Variants in CNTNAP2 observed in about 807,000 individuals in gnomAD.
CNTNAP2 encodes contactin-associated protein-like 2.
In CNTNAP2, 98 loss-of-function variants were observed where a neutral mutation model predicts 155.2. The ratio of observed to expected loss-of-function variants is 0.63; its 90% CI spans 0.54 to 0.75. The LOEUF (loss-of-function observed/expected upper bound fraction) is 0.75, where lower values mean the gene tolerates loss of function less well. CNTNAP2 is among the 30% of genes least tolerant of loss of function. CNTNAP2 has a pLI of 0.00. For missense variants in CNTNAP2, 1,727 were observed against 1,688.1 expected (o/e 1.02, Z -0.40); for synonymous variants, 651 against 631.2 (o/e 1.03, Z -0.47).
At chr7:147,389,051 T>G (rs1356378337) in intron 9 of CNTNAP2, among the ~76,000 whole-genome samples, 1 of 152,296 alleles carries the variant, frequency 6.6e-6, no homozygotes. Context: ...CTAGACTCTC[T>G]TCCCCTGGAC....
intron 15 of CNTNAP2, among the ~76,000 whole-genome samples, chr7:148,019,242 T>C (rs1190273220): frequency 6.6e-6 from 1 of 152,186 alleles, no homozygotes; most frequent in Non-Finnish European, 1.5e-5. Flanking sequence ...CTTCATCTTC[T>C]AGGTTCCTCA....
chr7:147,593,304 T>C (rs1443253883), intron 12 of CNTNAP2, among the ~76,000 whole-genome samples: 1 of 149,580 alleles, frequency 6.7e-6, no homozygotes, highest in Non-Finnish European at 1.5e-5. Context: ...GATCATCTAG[T>C]ATGTATAGCA....
intron 7 of CNTNAP2, among the ~76,000 whole-genome samples, chr7:147,131,416 A>G (rs1801357028): frequency 1.3e-5 from 2 of 152,050 alleles, no homozygotes; most frequent in South Asian, 4.1e-4. Context: ...AAGAGAATGT[A>G]GTTAGGCACT....
intron 8 of CNTNAP2, among the ~76,000 whole-genome samples, chr7:147,186,294 G>A (rs1050704407): frequency 6.6e-6 from 1 of 152,068 alleles, no homozygotes; most frequent in African/African-American, 2.4e-5. Flanking sequence ...TAATATATGG[G>A]TTCTTCTGTA....
chr7:147,212,809 T>C (rs1239508651), intron 8 of CNTNAP2, among the ~76,000 whole-genome samples: 1 of 152,208 alleles, frequency 6.6e-6, no homozygotes, highest in Non-Finnish European at 1.5e-5. Context: ...AAATGGATTG[T>C]GTGTAGTTTA....
chr7:146,466,678 G>A (rs1194859412), intron 1 of CNTNAP2, among the ~76,000 whole-genome samples: 3 of 152,118 alleles, frequency 2.0e-5, no homozygotes, highest in East Asian at 1.9e-4. Context: ...AAGAATAATA[G>A]TTTTAAGCGT....
At chr7:146,581,212 A>C (rs1466773478) in intron 1 of CNTNAP2, among the ~76,000 whole-genome samples, 1 of 152,102 alleles carries the variant, frequency 6.6e-6, no homozygotes, top group Non-Finnish European at 1.5e-5. Flanking sequence ...TAAGGCCTCC[A>C]TTGCCTAAGT....
chr7:147,532,846 A>G (rs1799467262), intron 11 of CNTNAP2, among the ~76,000 whole-genome samples: 1 of 152,190 alleles, frequency 6.6e-6, no homozygotes, highest in African/African-American at 2.4e-5. Context: ...GGGAAAGACC[A>G]GCCCCCATGA....
At chr7:147,707,211 A>G (rs1796329053) in intron 13 of CNTNAP2, among the ~76,000 whole-genome samples, 2 of 152,146 alleles carry the variant, frequency 1.3e-5, no homozygotes, top group Non-Finnish European at 2.9e-5. Flanking sequence ...TTGTCCTTAC[A>G]TTGACATCTA....
chr7:147,190,676 C>A (rs979631328), intron 8 of CNTNAP2, among the ~76,000 whole-genome samples: 1 of 152,158 alleles, frequency 6.6e-6, no homozygotes, highest in Non-Finnish European at 1.5e-5. Context: ...TAATTATAAT[C>A]ATTTTGCATA....
intron 1 of CNTNAP2, among the ~76,000 whole-genome samples, chr7:146,136,356 G>C (rs898376033): frequency 1.3e-5 from 2 of 152,080 alleles, no homozygotes; most frequent in African/African-American, 2.4e-5. Context: ...GACAACTAAG[G>C]GTCAGTCTTT....
intron 3 of CNTNAP2, among the ~76,000 whole-genome samples, chr7:146,990,680 G>A: frequency 6.6e-6 from 1 of 152,090 alleles, no homozygotes; most frequent in East Asian, 1.9e-4. Context: ...TCAAAAGAGT[G>A]ATGGAATTCT....
chr7:148,332,357 A>G (rs1297045058), intron 21 of CNTNAP2, among the ~76,000 whole-genome samples: 1 of 152,168 alleles, frequency 6.6e-6, no homozygotes. Context: ...TTCTTAGGAT[A>G]ATAGGATATG....
chr7:147,597,918 G>A lies in CNTNAP2; in HGVS notation c.1897+35661G>A, dbSNP rs149069717. Among the ~76,000 whole-genome samples, 140 of 152,292 alleles carry A rather than the reference G, an allele frequency of 9.2e-4. 1 individual carries two copies. The East Asian group carries it at 0.023, about 25-fold the overall frequency. ...TTCGCACCCTTTAGTTCCCAAGGGC[G>A]TAGGTCAGAAACAATGCTCAGTACT... On this transcript the variant is annotated intron_variant, in intron 12 of 23. Transcript: ENST00000361727.
intron 1 of CNTNAP2, among the ~76,000 whole-genome samples, chr7:146,305,033 C>A (rs1800683980): frequency 6.6e-6 from 1 of 152,122 alleles, no homozygotes; most frequent in African/African-American, 2.4e-5. Flanking sequence ...TCTTCAATCA[C>A]AGACACCTTT....
At chr7:147,889,412 T>A (rs1364259098) in intron 13 of CNTNAP2, among the ~76,000 whole-genome samples, 1 of 151,732 alleles carries the variant, frequency 6.6e-6, no homozygotes, top group Non-Finnish European at 1.5e-5. Context: ...CACCACAAAG[T>A]CTGAAAGAAA....
At chr7:147,545,425 G>T (rs1405659737) in intron 11 of CNTNAP2, among the ~76,000 whole-genome samples, 1 of 152,234 alleles carries the variant, frequency 6.6e-6, no homozygotes, top group African/African-American at 2.4e-5. Context: ...CTGTGTGTAT[G>T]TGAGTTGTCT....
At chr7:146,678,939 G>A (rs1382002945) in intron 1 of CNTNAP2, among the ~76,000 whole-genome samples, 1 of 151,976 alleles carries the variant, frequency 6.6e-6, no homozygotes, top group East Asian at 1.9e-4. Context: ...AAAATTTATG[G>A]CAACTTGAGT....
At chr7:146,494,224 C>T (rs1358433693) in intron 1 of CNTNAP2, among the ~76,000 whole-genome samples, 1 of 152,008 alleles carries the variant, frequency 6.6e-6, no homozygotes, top group Non-Finnish European at 1.5e-5. Context: ...GTCCCAGCTA[C>T]TCAGGAGGCT....
Sources: gnomAD v4.1 joint callset for allele counts (sites outside exome capture counted in the v4.1 genomes callset) on GRCh38, gnomAD v4.1.1 for gene constraint, MANE v1.5 for transcripts, NCBI Gene and HGNC (gene_info 2026-07-23, HGNC 2026-07-21) for gene names.